Variants in CERS6 observed in about 807,000 individuals in gnomAD.
CERS6 encodes LAG1 homolog, ceramide synthase 6.
Under a neutral mutation model 56.8 loss-of-function variants are expected in CERS6, and 26 were observed. The observed-to-expected ratio is 0.46, with a 90% CI of 0.34 to 0.63. The LOEUF (loss-of-function observed/expected upper bound fraction) is 0.63, where lower values mean the gene tolerates loss of function less well. Among genes scored for constraint, CERS6 ranks in the 30% least tolerant of loss-of-function variants. The probability of loss-of-function intolerance (pLI) is 0.01; values close to 1 mark genes in which losing one functional copy is unlikely to be tolerated. For synonymous variants in CERS6, 164 were observed against 173.3 expected, an observed-to-expected ratio of 0.95 and a Z score of 0.42; for missense variants, 415 against 467.5, an observed-to-expected ratio of 0.89 and a Z score of 1.04.
At chr2:168,714,923 A>T in intron 6 of CERS6, 78 bp from the exon 7 acceptor site, 1 of 1,398,340 alleles carries the variant, frequency 7.2e-7, no homozygotes, top group Non-Finnish European at 9.8e-7. Flanking sequence ...CTCAGTAAAT[A>T]CTGGTTCAGT....
chr2:168,747,291 AT>A (rs5836199), intron 8 of CERS6, among the ~76,000 whole-genome samples: 68,207 of 147,436 alleles, frequency 0.46, 15,869 homozygotes, highest in Admixed American at 0.54. Context: ...GTCTCAACAA[AT>A]TTTTTTTTTT....
At chr2:168,542,331 A>G (rs1695387666) in intron 1 of CERS6, among the ~76,000 whole-genome samples, 2 of 152,224 alleles carry the variant, frequency 1.3e-5, no homozygotes, top group Non-Finnish European at 2.9e-5. Flanking sequence ...AACATTTTAT[A>G]AATTTCTAGT....
rs1406792779 is a variant in CERS6 at position 168,695,069 on chromosome 2, G to A, written c.609+18G>A. 5.0e-5 allele frequency: 79 copies of A among 1,593,882 alleles called. No individual in the cohort carries two copies. Among genetic ancestry groups the A allele is most frequent in the East Asian group, 1.8e-4 (8 of 44,812 alleles). Reference sequence around the variant, plus strand: ...AAAGAAAGGTAAGAGCGGTTATGTCGTAAAGTGCTTGCAAGCATGCATCTT... The same window carrying A: ...AAAGAAAGGTAAGAGCGGTTATGTCATAAAGTGCTTGCAAGCATGCATCTT... On this transcript the variant is annotated intron_variant, in intron 6 of 9. Coordinates refer to ENST00000305747, the MANE Select transcript of CERS6 (RefSeq NM_203463.3).
At chr2:168,577,983 A>G (rs1683319360) in intron 3 of CERS6, among the ~76,000 whole-genome samples, 1 of 152,134 alleles carries the variant, frequency 6.6e-6, no homozygotes, top group South Asian at 2.1e-4. Flanking sequence ...GTCACTCACA[A>G]GTCACTATGT....
intron 3 of CERS6, among the ~76,000 whole-genome samples, chr2:168,611,955 TA>T: frequency 6.6e-6 from 1 of 152,312 alleles, no homozygotes; most frequent in South Asian, 2.1e-4. Flanking sequence ...GTAGTTTGTC[TA>T]GCCATTGGCA....
At chr2:168,505,987 T>G (rs1694670542) in intron 1 of CERS6, among the ~76,000 whole-genome samples, 1 of 152,178 alleles carries the variant, frequency 6.6e-6, no homozygotes, top group African/African-American at 2.4e-5. Flanking sequence ...CTGAGCTGCT[T>G]TATGTGTGGG....
intron 8 of CERS6, among the ~76,000 whole-genome samples, chr2:168,734,125 C>A (rs1683638291): frequency 6.6e-6 from 1 of 152,144 alleles, no homozygotes; most frequent in East Asian, 1.9e-4. Context: ...GGGTTGGTGA[C>A]CTTCTAGTTC....
At chr2:168,536,945 T>G (rs115637086) in intron 1 of CERS6, among the ~76,000 whole-genome samples, 3,104 of 152,232 alleles carry the variant, frequency 0.02, 116 homozygotes, top group East Asian at 0.18. Flanking sequence ...TGATGGGCAA[T>G]AAACATTTCT....
chr2:168,701,945 AC>A (rs1289402908), intron 6 of CERS6, among the ~76,000 whole-genome samples: 1 of 152,182 alleles, frequency 6.6e-6, no homozygotes, highest in Non-Finnish European at 1.5e-5. Flanking sequence ...ATTACATAAT[AC>A]CTAATGCCAT....
chr2:168,648,383 CT>C (rs1685256587), intron 4 of CERS6, among the ~76,000 whole-genome samples: 4 of 152,140 alleles, frequency 2.6e-5, no homozygotes, highest in African/African-American at 9.6e-5. Context: ...TTTGTCATTT[CT>C]AATTGTGTTT....
chr2:168,576,866 A>G (rs560460026), intron 3 of CERS6, among the ~76,000 whole-genome samples: 66 of 152,370 alleles, frequency 4.3e-4, no homozygotes, highest in African/African-American at 1.5e-3. Flanking sequence ...AGAGAAAGTG[A>G]GAATTCAAGA....
chr2:168,727,853 A>G (rs553577878), intron 8 of CERS6, among the ~76,000 whole-genome samples: 2 of 152,358 alleles, frequency 1.3e-5, no homozygotes, highest in South Asian at 4.1e-4. Flanking sequence ...TTGAAGGATG[A>G]AACCTGCTAT....
chr2:168,747,572 A>G (rs1407345632), intron 8 of CERS6, among the ~76,000 whole-genome samples: 2 of 152,120 alleles, frequency 1.3e-5, no homozygotes, highest in African/African-American at 2.4e-5. Context: ...TAGCCAAATT[A>G]TTTTCTATGA....
chr2:168,597,630 C>T (rs1683833068), intron 3 of CERS6, among the ~76,000 whole-genome samples: 4 of 152,102 alleles, frequency 2.6e-5, no homozygotes. Flanking sequence ...TAAGACACAT[C>T]CTCCAGTTTC....
chr2:168,617,832 ACT>A (rs1684354948), intron 3 of CERS6, among the ~76,000 whole-genome samples: 1 of 152,174 alleles, frequency 6.6e-6, no homozygotes, highest in South Asian at 2.1e-4. Flanking sequence ...AATCCTATTG[ACT>A]CTATTCCACA....
chr2:168,640,756 A>G (rs1684969734), intron 4 of CERS6, among the ~76,000 whole-genome samples: 1 of 152,214 alleles, frequency 6.6e-6, no homozygotes, highest in South Asian at 2.1e-4. Flanking sequence ...ATGTTGCATT[A>G]AGGAGATGGG....
Position 168,560,910 on chromosome 2 carries a change from G to C in CERS6, c.277-282G>C, listed in dbSNP as rs561430549. ...TTGGATGTTCCATTGAATCTTTGTT[G>C]CCCTTAGGGAAGCACATTGCTGATG... On this transcript the variant is annotated intron_variant, in intron 2 of 9. Coordinates refer to ENST00000305747, the MANE Select transcript of CERS6 (RefSeq NM_203463.3). 2.6e-5 allele frequency among the ~76,000 whole-genome samples: 4 copies of C among 152,248 alleles called. No individual in the cohort carries two copies. In the South Asian group the frequency reaches 8.3e-4, roughly 32 times the overall value.
At chr2:168,716,244 T>C (rs1268811990) in intron 7 of CERS6, among the ~76,000 whole-genome samples, 2 of 152,150 alleles carry the variant, frequency 1.3e-5, no homozygotes, top group Non-Finnish European at 2.9e-5. Flanking sequence ...ATTCAGCATA[T>C]TTTTTAGTAG....
chr2:168,706,607 A>C (rs1686947212), intron 6 of CERS6, among the ~76,000 whole-genome samples: 1 of 152,244 alleles, frequency 6.6e-6, no homozygotes, highest in South Asian at 2.1e-4. Context: ...CTTGATCATG[A>C]GAATTTTGAT....
Sources: gnomAD v4.1 joint callset for allele counts (sites outside exome capture counted in the v4.1 genomes callset) on GRCh38, gnomAD v4.1.1 for gene constraint, MANE v1.5 for transcripts, NCBI Gene and HGNC (gene_info 2026-07-23, HGNC 2026-07-21) for gene names.